ANP32E: variants seen among roughly 807,000 people sequenced by gnomAD.
ANP32E encodes acidic leucine-rich nuclear phosphoprotein 32 family member E.
Under a neutral mutation model 35.3 loss-of-function variants are expected in ANP32E, and 14 were observed. That is an observed-to-expected ratio of 0.40 (90% confidence interval 0.26 to 0.62). The LOEUF (loss-of-function observed/expected upper bound fraction) is 0.62, where lower values mean the gene tolerates loss of function less well. ANP32E is among the 20% of genes least tolerant of loss of function. The pLI, the probability that ANP32E is intolerant of heterozygous loss-of-function variation, is 0.45. For synonymous variants in ANP32E, 89 were observed against 110.4 expected (o/e 0.81, Z 1.22); for missense variants, 198 against 304.4 (o/e 0.65, Z 2.60).
chr1:150,225,584 T>C (rs587725751), intron 5 of ANP32E, among the ~76,000 whole-genome samples: 34 of 145,062 alleles, frequency 2.3e-4, no homozygotes, highest in Middle Eastern at 7.2e-3. Flanking sequence ...GGTGAGAGGA[T>C]TGCTTGAGCC....
intron 1 of ANP32E, among the ~76,000 whole-genome samples, chr1:150,232,552 C>T (rs1318598663): frequency 6.9e-6 from 1 of 144,834 alleles, no homozygotes; most frequent in Non-Finnish European, 1.5e-5. Flanking sequence ...CTCACTGTAA[C>T]CTCTGCCTCC....
rs1648138322 is a variant in ANP32E at position 150,219,030 on chromosome 1, T to C, written c.*1661A>G. The C allele has an allele frequency of 6.6e-6, 1 of 152,224 alleles. No individual in the cohort carries two copies. The highest frequency in any genetic ancestry group is 1.5e-5 in the Non-Finnish European group (1 of 68,034). The allele number at this position is 152,224 out of a possible 1,614,324, so 9.4% of individuals were successfully genotyped here. Reference sequence around the variant, plus strand: ...CCAAGGGTTTTCTTTCGGTCAGTTGTACAACATTTTTAGTTTCTCCACAAG... The same window carrying C: ...CCAAGGGTTTTCTTTCGGTCAGTTGCACAACATTTTTAGTTTCTCCACAAG... On this transcript the variant is annotated 3_prime_UTR_variant, in exon 7 of 7. Transcript: ENST00000583931.
Position 150,221,450 on chromosome 1 carries a change from G to T in ANP32E, c.737-689C>A, listed in dbSNP as rs587733797. On this transcript the variant is annotated intron_variant, in intron 6 of 6. Transcript: ENST00000583931. ...CAAGACTGTCTCAAAAAGAGGGAGGGAGGGCAGGCTAAGAGAGGAAGAGAG... is the reference window on the plus strand; with the variant it reads ...CAAGACTGTCTCAAAAAGAGGGAGGTAGGGCAGGCTAAGAGAGGAAGAGAG... Among the ~76,000 whole-genome samples, 12 of 140,784 alleles carry T rather than the reference G, an allele frequency of 8.5e-5. No individual in the cohort carries two copies. In the South Asian group the frequency reaches 2.8e-3, roughly 33 times the overall value. The allele number at this position is 140,784 out of a possible 152,430, so 92.4% of individuals were successfully genotyped here.
chr1:150,233,984 G>A (rs1649569712), intron 1 of ANP32E, among the ~76,000 whole-genome samples: 3 of 152,050 alleles, frequency 2.0e-5, no homozygotes, highest in Admixed American at 2.0e-4. Flanking sequence ...CCCTGAGACT[G>A]TCTGCTAATT....
At chr1:150,222,779 A>G (rs1322319876) in intron 6 of ANP32E, among the ~76,000 whole-genome samples, 1 of 151,378 alleles carries the variant, frequency 6.6e-6, no homozygotes, top group Non-Finnish European at 1.5e-5. Flanking sequence ...AAAAATATAT[A>G]TATATATAAA....
chr1:150,229,282 A>C, intron 3 of ANP32E, 45 bp from the exon 4 acceptor site: 3 of 932,036 alleles, frequency 3.2e-6, no homozygotes, highest in Non-Finnish European at 3.1e-6. Context: ...TTAAAATACC[A>C]TGTTATTTCT....
intron 1 of ANP32E, 25 bp from the exon 2 acceptor site, chr1:150,231,951 A>G (rs587643997): frequency 5.0e-6 from 8 of 1,604,462 alleles, no homozygotes; most frequent in Admixed American, 1.7e-5. Flanking sequence ...ACATTAATTA[A>G]TGATTCTTTA....
intron 4 of ANP32E, 119 bp from the exon 5 acceptor site, chr1:150,226,914 C>T: frequency 7.6e-7 from 1 of 1,307,686 alleles, no homozygotes; most frequent in Non-Finnish European, 1.0e-6. Flanking sequence ...TGGAAAGTAA[C>T]TCACAGCGAT....
At chr1:150,222,397 C>A (rs996517114) in intron 6 of ANP32E, among the ~76,000 whole-genome samples, 15 of 147,792 alleles carry the variant, frequency 1.0e-4, no homozygotes, top group African/African-American at 3.7e-4. Flanking sequence ...CCAGCCTGGG[C>A]AACAGAGCGA....
Position 150,220,707 on chromosome 1 carries a change from T to G in ANP32E, c.791A>C (p.Glu264Ala). The G allele has an allele frequency of 6.2e-7, 1 of 1,614,028 alleles. No homozygotes were observed. Among genetic ancestry groups the G allele is most frequent in the Non-Finnish European group, 8.5e-7 (1 of 1,179,944 alleles). ...TAGAATGATCTAGTCATCTTCTTCC[T>G]CTCCATCGTCTTCAGCATCTCGTTT... is the stretch of plus-strand genomic sequence containing the variant. ...KRKRDAEDDG[E>A]EEDD Residue 264 changes from glutamate (E) to alanine (A), a missense_variant, in exon 7 of 7, where the codon GAG (glutamate) becomes GCG (alanine). Glu to Ala is a moderately radical substitution (Grantham distance 107). This residue lies in a region of ANP32E where 121 missense variants were observed against 137.3 expected (regional missense o/e 0.88). Coordinates refer to ENST00000583931, the MANE Select transcript of ANP32E (RefSeq NM_030920.5).
Position 150,235,679 on chromosome 1 carries a change from C to G in ANP32E, c.54+54G>C. On this transcript the variant is annotated intron_variant, in intron 1 of 6. Transcript: ENST00000583931. The surrounding 1 kb of genome is among the most constrained non-coding windows in gnomAD (Gnocchi z 4.2). Reference sequence around the variant, plus strand: ...CACCCACCCAGGACCACCAGAAATCCGATCCTCAGAATACTGGACTGATGG... The same window carrying G: ...CACCCACCCAGGACCACCAGAAATCGGATCCTCAGAATACTGGACTGATGG... 1 of 1,608,550 alleles carries G rather than the reference C, an allele frequency of 6.2e-7. No homozygotes were observed. The highest frequency in any genetic ancestry group is 1.1e-5 in the South Asian group (1 of 90,376).
At chr1:150,227,299 A>G (rs1490497113) in intron 4 of ANP32E, among the ~76,000 whole-genome samples, 1 of 152,222 alleles carries the variant, frequency 6.6e-6, no homozygotes, top group African/African-American at 2.4e-5. Context: ...ATGCACTTGT[A>G]TGTTCACCAC....
At chr1:150,230,746 C>CA in intron 2 of ANP32E, 53 bp from the exon 3 acceptor site, 1 of 1,238,158 alleles carries the variant, frequency 8.1e-7, no homozygotes. Flanking sequence ...TCATATCAAA[C>CA]TTTTTTTTTT....
Position 150,229,180 on chromosome 1 carries a change from C to G in ANP32E, c.385G>C (p.Glu129Gln). ...DLFNCEITNL[E>Q]DYRESIFELL... ...TCAAAAATACTTTCTCTATAATCTTCCAGGTTTGTGATCTCACAGTTAAAC... is the reference window on the plus strand; with the variant it reads ...TCAAAAATACTTTCTCTATAATCTTGCAGGTTTGTGATCTCACAGTTAAAC... Residue 129 changes from glutamate (E) to glutamine (Q), a missense_variant, in exon 4 of 7, where the codon GAA becomes CAA. Transcript: ENST00000583931. 1.2e-6 allele frequency: 2 copies of G among 1,612,632 alleles called. No individual in the cohort carries two copies. Among genetic ancestry groups the G allele is most frequent in the African/African-American group, 2.7e-5 (2 of 74,952 alleles).
chr1:150,233,824 A>G (rs900917050), intron 1 of ANP32E, among the ~76,000 whole-genome samples: 4 of 152,150 alleles, frequency 2.6e-5, no homozygotes, highest in African/African-American at 9.7e-5. Flanking sequence ...TGGCCCAGAG[A>G]TGAAGAATGG....
rs587604423 is a variant in ANP32E, at chr1:150,223,377, C to A, written c.682-137G>T. On this transcript the variant is annotated intron_variant, in intron 5 of 6. Coordinates refer to ENST00000583931, the MANE Select transcript of ANP32E (RefSeq NM_030920.5). The stretch of plus-strand genomic sequence containing the variant: ...CAACCTCTGCCATTCTTATAAAGGT[C>A]CTTTTTAAAACCTAACTAAAGGGCC... 92 of 1,237,762 alleles carry A rather than the reference C, an allele frequency of 7.4e-5. No homozygotes were observed. The East Asian group carries it at 1.4e-3, about 19-fold the overall frequency. 76.7% of individuals were successfully genotyped at this position (1,237,762 alleles called of 1,614,324 possible).
chr1:150,221,125 A>AAC (rs1385095830), intron 6 of ANP32E, among the ~76,000 whole-genome samples: 2 of 150,524 alleles, frequency 1.3e-5, no homozygotes, highest in East Asian at 3.9e-4. Flanking sequence ...CAAAAAAAAA[A>AAC]AAAAAAAAAC....
intron 4 of ANP32E, among the ~76,000 whole-genome samples, chr1:150,228,714 T>A (rs1183872256): frequency 2.3e-5 from 3 of 127,842 alleles, no homozygotes; most frequent in East Asian, 2.4e-4. Flanking sequence ...AAAAAAAAAA[T>A]TCCGTTCATC....
At chr1:150,231,736 T>C (rs782756595) in intron 2 of ANP32E, 41 bp downstream of exon 2, 1 of 1,578,262 alleles carries the variant, frequency 6.3e-7, no homozygotes, top group Non-Finnish European at 8.6e-7. Flanking sequence ...CATATAGCCG[T>C]GGCATTGAAA....
Sources: allele counts gnomAD v4.1 joint callset (sites outside exome capture counted in the v4.1 genomes callset), GRCh38; gene constraint gnomAD v4.1.1; regional missense constraint gnomAD v4.1.1; non-coding constraint Gnocchi (gnomAD v3.1); transcripts MANE v1.5; gene names NCBI Gene and HGNC (gene_info 2026-07-23, HGNC 2026-07-21).